The following ALCAM variants were observed in gnomAD, a reference collection of about 807,000 sequenced individuals.
The protein encoded by ALCAM is activated leukocyte cell adhesion molecule, also known as CD166 antigen.
In ALCAM, 30 loss-of-function variants were observed where a neutral mutation model predicts 70.9. The ratio of observed to expected loss-of-function variants is 0.42; its 90% CI spans 0.32 to 0.57. ALCAM has a LOEUF of 0.57. ALCAM is among the 20% of genes least tolerant of loss of function. The pLI, the probability that ALCAM is intolerant of heterozygous loss-of-function variation, is 0.11. For missense variants in ALCAM, 591 were observed against 695.1 expected (o/e 0.85, Z 1.68); for synonymous variants, 249 against 242.5 (o/e 1.03, Z -0.25).
chr3:105,534,959 A>G, intron 6 of ALCAM, 114 bp downstream of exon 6: 1 of 1,023,826 alleles, frequency 9.8e-7, no homozygotes. Context: ...TCCAGTCTGC[A>G]CCCCAAATTG....
intron 3 of ALCAM, chr3:105,525,268 C>T: frequency 1.0e-6 from 1 of 984,246 alleles, no homozygotes; most frequent in Non-Finnish European, 1.2e-6. Context: ...TAATTATAGT[C>T]ACTATGACAA....
At chr3:105,422,212 A>T (rs1014858262) in intron 1 of ALCAM, among the ~76,000 whole-genome samples, 2 of 151,416 alleles carry the variant, frequency 1.3e-5, no homozygotes, top group African/African-American at 4.8e-5. Context: ...TAGTATATAT[A>T]TACCACATTT....
intron 1 of ALCAM, among the ~76,000 whole-genome samples, chr3:105,488,263 G>A (rs1576196345): frequency 6.6e-6 from 1 of 152,200 alleles, no homozygotes; most frequent in Non-Finnish European, 1.5e-5. Flanking sequence ...AGAACTGTGA[G>A]CCAAATAAAC....
At chr3:105,528,545 A>G (rs1939764406) in intron 3 of ALCAM, among the ~76,000 whole-genome samples, 1 of 152,212 alleles carries the variant, frequency 6.6e-6, no homozygotes, top group African/African-American at 2.4e-5. Context: ...TTTTCACTAT[A>G]TATGATCAGC....
chr3:105,524,214 A>C, intron 2 of ALCAM, 75 bp from the exon 3 acceptor site: 1 of 1,258,732 alleles, frequency 7.9e-7, no homozygotes, highest in African/African-American at 1.5e-5. Context: ...ATGGCCAAGG[A>C]AATGTTATTT....
At chr3:105,368,215 A>C (rs1247048794) in intron 1 of ALCAM, among the ~76,000 whole-genome samples, 1 of 35,212 alleles carries the variant, frequency 2.8e-5, no homozygotes, top group Non-Finnish European at 6.2e-5. Flanking sequence ...TTCTGTACTG[A>C]GTCTTGGAAG....
chr3:105,427,833 C>T (rs1380303403), intron 1 of ALCAM, among the ~76,000 whole-genome samples: 4 of 151,878 alleles, frequency 2.6e-5, no homozygotes, highest in Non-Finnish European at 4.4e-5. Context: ...AACCTAACCA[C>T]TATATGCACA....
chr3:105,372,570 C>T (rs921924053), intron 1 of ALCAM, among the ~76,000 whole-genome samples: 15 of 152,016 alleles, frequency 9.9e-5, no homozygotes, highest in African/African-American at 3.1e-4. Context: ...ATCAGAGTTG[C>T]GCACAATCCA....
intron 1 of ALCAM, among the ~76,000 whole-genome samples, chr3:105,439,821 GTA>G (rs1009632290): frequency 2.0e-5 from 3 of 152,188 alleles, no homozygotes; most frequent in Non-Finnish European, 4.4e-5. Flanking sequence ...AGGGCAAAAA[GTA>G]TAGTCATTTC....
At position 105,456,330 on chromosome 3, in the gene ALCAM, G is replaced by A. The variant is rs530837931; in HGVS notation, c.74-63737G>A. On this transcript the variant is annotated intron_variant, in intron 1 of 15. Coordinates refer to ENST00000306107, the MANE Select transcript of ALCAM (RefSeq NM_001627.4). ...AAAGCCAAGAACAGTTGCGGACTAAGCTCCACTGTCCTGCATCAGAATGGC... is the reference window on the plus strand; with the variant it reads ...AAAGCCAAGAACAGTTGCGGACTAAACTCCACTGTCCTGCATCAGAATGGC... 2.0e-5 allele frequency among the ~76,000 whole-genome samples: 3 copies of A among 152,278 alleles called. No homozygotes were observed. In the South Asian group the frequency reaches 6.2e-4, roughly 32 times the overall value.
chr3:105,568,291 A>G (rs1940789973), intron 14 of ALCAM, among the ~76,000 whole-genome samples: 1 of 151,972 alleles, frequency 6.6e-6, no homozygotes, highest in South Asian at 2.1e-4. Flanking sequence ...GGGTTTTACC[A>G]TGTTGGCCAG....
chr3:105,540,152 G>C, intron 7 of ALCAM, 50 bp downstream of exon 7: 1 of 1,566,982 alleles, frequency 6.4e-7, no homozygotes, highest in Non-Finnish European at 8.8e-7. Context: ...TTTTCCTGTT[G>C]TTTGACTTCT....
chr3:105,430,399 A>C (rs542989579), intron 1 of ALCAM, among the ~76,000 whole-genome samples: 30 of 152,104 alleles, frequency 2.0e-4, no homozygotes, highest in African/African-American at 6.0e-4. Flanking sequence ...ACATTTTTAA[A>C]AATAATTTTG....
chr3:105,371,517 C>CTTTTTTTTTTTTTTTT (rs35522913), intron 1 of ALCAM, among the ~76,000 whole-genome samples: 1 of 142,574 alleles, frequency 7.0e-6, no homozygotes. Context: ...AAAGATGTTT[C>CTTTTTTTTTTTTTTTT]TTTTTTTTTT....
intron 5 of ALCAM, 149 bp from the exon 6 acceptor site, chr3:105,534,514 A>G: frequency 2.9e-6 from 2 of 680,712 alleles, no homozygotes; most frequent in South Asian, 3.8e-5. Context: ...TTTTGAAACG[A>G]CATCTAACCT....
rs972615845 is a variant in ALCAM, at chr3:105,466,181, A to G, written c.74-53886A>G. ...ATGATTATGTCTTCTTAACTGCTCA[A>G]CAATTTGGAGGAGCTCCTGTCCTTG... is the stretch of plus-strand genomic sequence containing the variant. On this transcript the variant is annotated intron_variant, in intron 1 of 15. Coordinates refer to ENST00000306107, the MANE Select transcript of ALCAM (RefSeq NM_001627.4). Among the ~76,000 whole-genome samples the G allele has an allele frequency of 5.3e-5, 8 of 151,480 alleles. No individual in the cohort carries two copies. In the South Asian group the frequency reaches 6.2e-4, roughly 12 times the overall value.
intron 1 of ALCAM, among the ~76,000 whole-genome samples, chr3:105,428,286 A>G (rs1936842518): frequency 6.6e-6 from 1 of 151,994 alleles, no homozygotes; most frequent in Non-Finnish European, 1.5e-5. Flanking sequence ...ACTGGAAACA[A>G]TAAAGCCTAA....
At chr3:105,423,070 G>A (rs1171883005) in intron 1 of ALCAM, among the ~76,000 whole-genome samples, 1 of 151,534 alleles carries the variant, frequency 6.6e-6, no homozygotes, top group East Asian at 1.9e-4. Context: ...TTGTTTGAAA[G>A]AGCAAGATGA....
chr3:105,432,512 G>C (rs570254038), intron 1 of ALCAM, among the ~76,000 whole-genome samples: 2 of 151,920 alleles, frequency 1.3e-5, no homozygotes, highest in African/African-American at 4.8e-5. Flanking sequence ...TAGATATTCC[G>C]ATTTTCTCTT....
Sources: allele counts gnomAD v4.1 joint callset (sites outside exome capture counted in the v4.1 genomes callset), GRCh38; gene constraint gnomAD v4.1.1; transcripts MANE v1.5; gene names NCBI Gene and HGNC (gene_info 2026-07-23, HGNC 2026-07-21).